The following ARHGEF4 variants were observed in gnomAD, a reference collection of about 807,000 sequenced individuals.
The protein encoded by ARHGEF4 is APC-stimulated guanine nucleotide exchange factor 1.
A neutral mutation model predicts 162.0 loss-of-function variants in ARHGEF4; 119 were observed. The ratio of observed to expected loss-of-function variants is 0.73; its 90% CI spans 0.63 to 0.86. ARHGEF4 has a LOEUF of 0.86. ARHGEF4 is among the 40% of genes least tolerant of loss of function. The pLI, the probability that ARHGEF4 is intolerant of heterozygous loss-of-function variation, is 0.00. For missense variants in ARHGEF4, 2,488 were observed against 2,456.0 expected (o/e 1.01, Z -0.28); for synonymous variants, 1,014 against 979.9 (o/e 1.03, Z -0.65).
chr2:130,838,695 A>G (rs538204068), intron 1 of ARHGEF4, among the ~76,000 whole-genome samples: 4 of 152,230 alleles, frequency 2.6e-5, no homozygotes, highest in Non-Finnish European at 5.9e-5. Context: ...GAGTGTGTTT[A>G]TGAAGTGGTG....
intron 1 of ARHGEF4, among the ~76,000 whole-genome samples, chr2:130,850,950 C>G (rs997033840): frequency 6.6e-6 from 1 of 152,238 alleles, no homozygotes; most frequent in East Asian, 1.9e-4. Context: ...TTCAGGCCCT[C>G]GGTATAGCCT....
intron 1 of ARHGEF4, among the ~76,000 whole-genome samples, chr2:130,862,640 C>T (rs1323496995): frequency 2.5e-5 from 1 of 39,988 alleles, no homozygotes; most frequent in African/African-American, 3.9e-4. Context: ...GAGGCCAAAG[C>T]GGGCAGATCA....
chr2:130,907,681 C>T (rs548073914), intron 1 of ARHGEF4, among the ~76,000 whole-genome samples: 57 of 151,806 alleles, frequency 3.8e-4, no homozygotes, highest in Non-Finnish European at 5.7e-4. Context: ...AGTCCAGGTG[C>T]GGTGGCCCAC....
chr2:131,040,075 A>T lies in ARHGEF4; in HGVS notation c.4365A>T (p.Gly1455=), dbSNP rs751335828. Residue 1455 remains glycine (G), a synonymous_variant, in exon 7 of 14, where the codon GGA becomes GGT. Transcript: ENST00000409359. ...ACGCCCCTCTGGCCGGGAACAGCGGAGCGGAGGACGGCGGGGCGGAGGCGC... is the reference window on the plus strand; with the variant it reads ...ACGCCCCTCTGGCCGGGAACAGCGGTGCGGAGGACGGCGGGGCGGAGGCGC... ...DDDAPLAGNS[G]AEDGGAEAQS... is the part of the protein sequence containing the mutation. 1.2e-5 allele frequency: 19 copies of T among 1,601,776 alleles called. No individual in the cohort carries two copies. Among genetic ancestry groups the T allele is most frequent in the Admixed American group, 6.9e-5 (4 of 58,366 alleles).
At chr2:130,868,228 G>T (rs1682440970) in intron 1 of ARHGEF4, among the ~76,000 whole-genome samples, 1 of 151,964 alleles carries the variant, frequency 6.6e-6, no homozygotes, top group Non-Finnish European at 1.5e-5. Context: ...CCCGGCCAAG[G>T]GTGGATGTGC....
intron 13 of ARHGEF4, chr2:131,045,779 C>T (rs1193711402): frequency 1.1e-5 from 15 of 1,426,398 alleles, no homozygotes; most frequent in East Asian, 2.5e-5. Flanking sequence ...GAGAGCCATG[C>T]CCCTGAAACA....
chr2:130,946,927 A>C, intron 4 of ARHGEF4: 1 of 273,996 alleles, frequency 3.6e-6, no homozygotes, highest in Non-Finnish European at 7.3e-6. Flanking sequence ...ACATGGTGAA[A>C]CCCCATCTCT....
chr2:130,884,500 T>C (rs1157917040), intron 1 of ARHGEF4, among the ~76,000 whole-genome samples: 1 of 152,068 alleles, frequency 6.6e-6, no homozygotes, highest in Non-Finnish European at 1.5e-5. Context: ...AGGACTGTAA[T>C]TACAATAAAA....
chr2:130,965,346 G>A (rs1299636902), intron 4 of ARHGEF4, among the ~76,000 whole-genome samples: 1 of 152,258 alleles, frequency 6.6e-6, no homozygotes, highest in Non-Finnish European at 1.5e-5. Flanking sequence ...TGAAGGACAT[G>A]CAGACCTCTG....
intron 4 of ARHGEF4, among the ~76,000 whole-genome samples, chr2:130,948,238 G>T (rs1262056728): frequency 6.6e-6 from 1 of 152,232 alleles, no homozygotes; most frequent in Non-Finnish European, 1.5e-5. Context: ...GGAGCTGGCT[G>T]CTCAGATTAG....
At chr2:130,879,605 C>T (rs1477649313) in intron 1 of ARHGEF4, among the ~76,000 whole-genome samples, 1 of 152,146 alleles carries the variant, frequency 6.6e-6, no homozygotes, top group Non-Finnish European at 1.5e-5. Context: ...CACACCCCAG[C>T]CCCTGGTCAC....
chr2:130,989,858 C>A (rs7557465), intron 4 of ARHGEF4, among the ~76,000 whole-genome samples: 1,816 of 152,322 alleles, frequency 0.012, 41 homozygotes, highest in African/African-American at 0.041. Context: ...TGAGTTTTCT[C>A]ACCTCTAAAA....
chr2:130,952,446 A>C (rs1365927264), intron 4 of ARHGEF4, among the ~76,000 whole-genome samples: 1 of 152,188 alleles, frequency 6.6e-6, no homozygotes, highest in Non-Finnish European at 1.5e-5. Context: ...ACAAACCCAC[A>C]GCCAATATCA....
chr2:130,848,345 A>G (rs541597122), intron 1 of ARHGEF4, among the ~76,000 whole-genome samples: 2 of 152,336 alleles, frequency 1.3e-5, no homozygotes, highest in South Asian at 4.1e-4. Flanking sequence ...CCCCACGCAC[A>G]GCATTTAACT....
chr2:131,034,115 A>G (rs1318712442), intron 5 of ARHGEF4, among the ~76,000 whole-genome samples: 1 of 152,142 alleles, frequency 6.6e-6, no homozygotes, highest in Non-Finnish European at 1.5e-5. Context: ...ATCAGAGCAT[A>G]CAAAGTCACT....
chr2:130,894,709 A>G (rs1029028007), intron 1 of ARHGEF4, among the ~76,000 whole-genome samples: 2 of 151,880 alleles, frequency 1.3e-5, no homozygotes, highest in Non-Finnish European at 2.9e-5. Flanking sequence ...CAATACTATG[A>G]GTCAGGATTT....
chr2:130,930,100 A>T (rs908120765), intron 2 of ARHGEF4, among the ~76,000 whole-genome samples: 1 of 152,084 alleles, frequency 6.6e-6, no homozygotes, highest in Non-Finnish European at 1.5e-5. Flanking sequence ...TCACTGTGTT[A>T]GCCAGGATAG....
Position 131,038,989 on chromosome 2 carries a change from G to A in ARHGEF4, c.4262G>A (p.Arg1421Gln), listed in dbSNP as rs369276828. 1.5e-5 allele frequency: 25 copies of A among 1,613,526 alleles called. No homozygotes were observed. Among genetic ancestry groups the A allele is most frequent in the Middle Eastern group, 1.7e-4 (1 of 6,056 alleles). ...ACCAACAGAGAGTGGTGGTGGGGCC[G>A]GGTCGCCGATGGCGAGGGCTGGTTT... ...DATNREWWWG[R>Q]VADGEGWFPA... Residue 1421 changes from arginine to glutamine, a missense_variant, in exon 6 of 14, where the codon CGG becomes CAG. This residue lies in a region of ARHGEF4 where 174 missense variants were observed against 148.3 expected (regional missense o/e 1.17). Transcript: ENST00000409359.
At chr2:131,007,787 A>ATTTTT (rs1688210624) in intron 4 of ARHGEF4, among the ~76,000 whole-genome samples, 1 of 78,670 alleles carries the variant, frequency 1.3e-5, no homozygotes, top group Non-Finnish European at 2.8e-5. Flanking sequence ...AAGCTAAATT[A>ATTTTT]TTCTTTTCTT....
Sources: gnomAD v4.1 joint callset for allele counts (sites outside exome capture counted in the v4.1 genomes callset) on GRCh38, gnomAD v4.1.1 for gene constraint, gnomAD v4.1.1 regional missense constraint, MANE v1.5 for transcripts, NCBI Gene and HGNC (gene_info 2026-07-23, HGNC 2026-07-21) for gene names.